XKR5: variants seen among roughly 807,000 people sequenced by gnomAD.
XKR5 encodes XK-related protein 5.
In XKR5, 46 loss-of-function variants were observed where a neutral mutation model predicts 40.8. The ratio of observed to expected loss-of-function variants is 1.13; its 90% CI spans 0.89 to 1.44. XKR5 has a LOEUF of 1.44. Ranked by LOEUF, XKR5 falls within the 40% of genes most tolerant of loss-of-function variation. The probability of loss-of-function intolerance (pLI) is 0.00; values close to 1 mark genes in which losing one functional copy is unlikely to be tolerated. For synonymous variants in XKR5, 466 were observed against 356.1 expected (o/e 1.31, Z -3.48); for missense variants, 1,169 against 844.7 (o/e 1.38, Z -4.76).
chr8:6,814,095 C>A (rs1003332472), intron 6 of XKR5, among the ~76,000 whole-genome samples: 1 of 152,200 alleles, frequency 6.6e-6, no homozygotes, highest in African/African-American at 2.4e-5. Context: ...GCCAGGAACA[C>A]CCAGACCACG....
chr8:6,833,886 C>A (rs574031719), intron 1 of XKR5, among the ~76,000 whole-genome samples: 29 of 152,222 alleles, frequency 1.9e-4, no homozygotes, highest in Non-Finnish European at 4.1e-4. Context: ...ATGTGTGAAG[C>A]GCCTAGCATC....
chr8:6,835,522 C>G lies in XKR5; in HGVS notation c.-29G>C. The stretch of plus-strand genomic sequence containing the variant: ...CCGTGCCGACCCCGCAGCCTGCGCC[C>G]GCCCCTTCCCCTGCACGCGGCCCCG... On this transcript the variant is annotated 5_prime_UTR_variant, in exon 1 of 7. Transcript: ENST00000618742. 6.7e-7 allele frequency: 1 copy of G among 1,484,834 alleles called. No homozygotes were observed. Among genetic ancestry groups the G allele is most frequent in the Non-Finnish European group, 8.9e-7 (1 of 1,123,236 alleles). 92.0% of individuals were successfully genotyped at this position (1,484,834 alleles called of 1,614,324 possible).
At chr8:6,815,950 C>G in intron 5 of XKR5, 32 bp from the exon 6 acceptor site, 2 of 1,511,786 alleles carry the variant, frequency 1.3e-6, no homozygotes. Flanking sequence ...CACCACACCT[C>G]GTCAGGTGCA....
At chr8:6,816,743 A>G (rs994013437) in intron 5 of XKR5, among the ~76,000 whole-genome samples, 13 of 147,650 alleles carry the variant, frequency 8.8e-5, no homozygotes, top group African/African-American at 2.5e-4. Context: ...ATTTTAATAT[A>G]TTTAATATAT....
In XKR5 at chr8:6,811,562, G is replaced by A. The variant is rs766699894; in HGVS notation, c.1697C>T (p.Ala566Val). 6.5e-7 allele frequency: 1 copy of A among 1,536,770 alleles called. No individual in the cohort carries two copies. The highest frequency in any genetic ancestry group is 2.0e-5 in the Admixed American group (1 of 50,974). Residue 566 changes from alanine to valine, a missense_variant, in exon 7 of 7, where the codon GCC (alanine) becomes GTC (valine). Ala to Val is a moderately conservative substitution (Grantham distance 64). Coordinates refer to ENST00000618742, the MANE Select transcript of XKR5 (RefSeq NM_207411.5). ...QEGSPATLQTAHSGRRLGKSS... is the reference protein window; with the variant it reads ...QEGSPATLQTVHSGRRLGKSS... ...CTTTCCCAGCCTCCTTCCAGAGTGGGCCGTTTGCAGAGTAGCTGGGCTGCC... is the reference window on the plus strand; with the variant it reads ...CTTTCCCAGCCTCCTTCCAGAGTGGACCGTTTGCAGAGTAGCTGGGCTGCC...
chr8:6,825,900 G>A (rs1374123376), intron 2 of XKR5, among the ~76,000 whole-genome samples: 2 of 152,190 alleles, frequency 1.3e-5, no homozygotes, highest in Non-Finnish European at 2.9e-5. Context: ...GTGGCCAGAG[G>A]TCCAGGTGGC....
chr8:6,833,515 G>A (rs889475889), intron 1 of XKR5, among the ~76,000 whole-genome samples: 1 of 152,182 alleles, frequency 6.6e-6, no homozygotes, highest in Non-Finnish European at 1.5e-5. Flanking sequence ...CAGATTGCTC[G>A]ACGTCAGGAG....
At chr8:6,818,089 C>A (rs1332630511) in intron 5 of XKR5, among the ~76,000 whole-genome samples, 3 of 152,230 alleles carry the variant, frequency 2.0e-5, no homozygotes. Flanking sequence ...ATGCAGGGCT[C>A]TTCCCTATGG....
Position 6,835,419 on chromosome 8 carries a change from C to G in XKR5, c.58+17G>C. ...GGGGCTGCAGGGGTGAGCACAGCCT[C>G]GGGCTGCCGCACTCACGCGCGCTCT... On this transcript the variant is annotated intron_variant, in intron 1 of 6. Transcript: ENST00000618742. The G allele has an allele frequency of 6.8e-7, 1 of 1,468,548 alleles. No homozygotes were observed. Among genetic ancestry groups the G allele is most frequent in the Non-Finnish European group, 9.0e-7 (1 of 1,116,768 alleles). 91.0% of individuals were successfully genotyped at this position (1,468,548 alleles called of 1,614,324 possible). A position where few individuals can be genotyped will look rare whatever the true frequency, so the allele number is the denominator to read the frequency against.
chr8:6,828,910 A>G (rs1401417946), intron 2 of XKR5, among the ~76,000 whole-genome samples: 1 of 151,968 alleles, frequency 6.6e-6, no homozygotes, highest in Non-Finnish European at 1.5e-5. Context: ...GGAAATTCTT[A>G]CCCTTTAGTC....
intron 1 of XKR5, among the ~76,000 whole-genome samples, chr8:6,833,155 G>T (rs896833794): frequency 2.6e-5 from 4 of 152,136 alleles, no homozygotes; most frequent in African/African-American, 9.7e-5. Flanking sequence ...CCATACCCCC[G>T]CAGAAGGCAA....
chr8:6,811,586 C>T lies in XKR5; in HGVS notation c.1673G>A (p.Gly558Asp), dbSNP rs575318240. 6.5e-7 allele frequency: 1 copy of T among 1,537,264 alleles called. No individual in the cohort carries two copies. The highest frequency in any genetic ancestry group is 2.4e-5 in the East Asian group (1 of 40,916). ...GGCCGTTTGCAGAGTAGCTGGGCTG[C>T]CTTCTTGTTGTGAGGATGTGGCCAC... ...AEVATSSQQE[G>D]SPATLQTAHS... The change falls in exon 7 of 7, where the codon GGC (glycine) becomes GAC (aspartate). Residue 558 changes from glycine (G) to aspartate (D), a missense_variant. Physicochemically the swap from Gly to Asp is moderately conservative, Grantham distance 94. Coordinates refer to ENST00000618742, the MANE Select transcript of XKR5 (RefSeq NM_207411.5).
At chr8:6,818,797 A>C (rs1335964846) in intron 5 of XKR5, among the ~76,000 whole-genome samples, 1 of 152,218 alleles carries the variant, frequency 6.6e-6, no homozygotes, top group South Asian at 2.1e-4. Flanking sequence ...GGAGGCCCCC[A>C]GCCCCCAGCC....
At chr8:6,832,171 C>T (rs1038782350) in intron 2 of XKR5, among the ~76,000 whole-genome samples, 3 of 152,188 alleles carry the variant, frequency 2.0e-5, no homozygotes, top group African/African-American at 7.2e-5. Context: ...TCAGCCCTCA[C>T]CTGTCGTGAT....
At chr8:6,832,947 G>A in intron 1 of XKR5, 47 bp from the exon 2 acceptor site, 1 of 1,459,880 alleles carries the variant, frequency 6.8e-7, no homozygotes. Flanking sequence ...AGGCTGGAGT[G>A]AGACTGGGTA....
chr8:6,819,209 C>T (rs556696417), intron 5 of XKR5, among the ~76,000 whole-genome samples: 1 of 152,336 alleles, frequency 6.6e-6, no homozygotes, highest in African/African-American at 2.4e-5. Context: ...ATTGCAGCTT[C>T]TTCTGGGGCC....
At position 6,825,328 on chromosome 8, in the gene XKR5, G is replaced by C. The variant is rs1388776168; in HGVS notation, c.264C>G (p.Thr88=). ...GAGCCTCCAGTTCCTTCTGCAGACT[G>C]GTCAGTGCAGCGTCCCAGTGCCTAG... ...VWKRHWDAAL[T]SLQKELEAPH... is the part of the protein sequence containing the mutation. Residue 88 remains threonine, a synonymous_variant, in exon 3 of 7, where the codon ACC becomes ACG. Transcript: ENST00000618742. 8 of 1,589,518 alleles carry C rather than the reference G, an allele frequency of 5.0e-6. No individual in the cohort carries two copies.
chr8:6,813,252 G>A (rs1164863723), intron 6 of XKR5, among the ~76,000 whole-genome samples: 1 of 152,210 alleles, frequency 6.6e-6, no homozygotes, highest in Non-Finnish European at 1.5e-5. Flanking sequence ...CTTTCTCCAT[G>A]TTCAGTGCCA....
Position 6,822,506 on chromosome 8 carries a change from T to TA in XKR5, c.638-469dup, listed in dbSNP as rs1554527318. Among the ~76,000 whole-genome samples the TA allele has an allele frequency of 3.9e-5, 6 of 152,216 alleles. No homozygotes were observed. In the South Asian group the frequency reaches 6.2e-4, roughly 16 times the overall value. ...TTTTGGATTTCAAGCTGATTTTTTTTAAAAAAAGAATAACAAAATAGCTAA... is the reference window on the plus strand; with the variant it reads ...TTTTGGATTTCAAGCTGATTTTTTTTAAAAAAAAGAATAACAAAATAGCTAA... On this transcript the variant is annotated intron_variant, in intron 4 of 6. Coordinates refer to ENST00000618742, the MANE Select transcript of XKR5 (RefSeq NM_207411.5).
Sources: gnomAD v4.1 joint callset for allele counts (sites outside exome capture counted in the v4.1 genomes callset) on GRCh38, gnomAD v4.1.1 for gene constraint, MANE v1.5 for transcripts, NCBI Gene and HGNC (gene_info 2026-07-23, HGNC 2026-07-21) for gene names.